SLC67A2: variants seen among roughly 807,000 people sequenced by gnomAD.
The protein encoded by SLC67A2 is solute carrier family 67 member A2.
chr2:102,730,252 G>A, the SLC67A2 span, among the ~76,000 whole-genome samples: 1 of 152,050 alleles, frequency 6.6e-6, no homozygotes, highest in Non-Finnish European at 1.5e-5. Flanking sequence ...TCCTTCCTAT[G>A]TTGCCCAGGC....
At chr2:102,718,917 G>A in the SLC67A2 span, 1 of 1,614,220 alleles carries the variant, frequency 6.2e-7, no homozygotes, top group Non-Finnish European at 8.5e-7. Context: ...CGCTCCTCCA[G>A]GGCCAGGACA....
the SLC67A2 span, among the ~76,000 whole-genome samples, chr2:102,724,292 A>C: frequency 6.6e-6 from 1 of 152,108 alleles, no homozygotes; most frequent in Non-Finnish European, 1.5e-5. Context: ...TAACTCATTG[A>C]GCCAATATTT....
the SLC67A2 span, chr2:102,723,735 G>A: frequency 4.3e-6 from 7 of 1,613,996 alleles, no homozygotes; most frequent in Non-Finnish European, 5.1e-6. Context: ...GCAGATGAAG[G>A]CTGTGAGATA....
At chr2:102,724,536 T>TA in the SLC67A2 span, among the ~76,000 whole-genome samples, 1 of 152,230 alleles carries the variant, frequency 6.6e-6, no homozygotes, top group Non-Finnish European at 1.5e-5. Context: ...ATACTCCTCA[T>TA]ATCTCTGCAG....
the SLC67A2 span, among the ~76,000 whole-genome samples, chr2:102,727,859 T>C: frequency 6.6e-6 from 1 of 152,246 alleles, no homozygotes; most frequent in Admixed American, 6.5e-5. Flanking sequence ...TCTACAGATT[T>C]GTTAAGCAGC....
At chr2:102,724,028 C>T in the SLC67A2 span, 15 of 821,070 alleles carry the variant, frequency 1.8e-5, no homozygotes, top group African/African-American at 2.2e-4. Flanking sequence ...CTTTGGAAGG[C>T]AGCTATGCTC....
the SLC67A2 span, chr2:102,718,614 G>A: frequency 6.2e-7 from 1 of 1,613,700 alleles, no homozygotes; most frequent in East Asian, 2.2e-5. Flanking sequence ...ACGCCAATAA[G>A]GGTGCCGCTG....
the SLC67A2 span, among the ~76,000 whole-genome samples, chr2:102,721,077 T>C: frequency 5.9e-5 from 9 of 152,224 alleles, no homozygotes; most frequent in South Asian, 1.4e-3. Context: ...GAAGCCATTG[T>C]AGTTGGGAAC....
chr2:102,718,118 C>G, the SLC67A2 span: 6 of 310,904 alleles, frequency 1.9e-5, no homozygotes, highest in Non-Finnish European at 3.6e-5. Context: ...AGTTTGTTTA[C>G]CCTTGAAAAT....
the SLC67A2 span, among the ~76,000 whole-genome samples, chr2:102,728,302 G>C: frequency 6.6e-6 from 1 of 152,136 alleles, no homozygotes; most frequent in African/African-American, 2.4e-5. Flanking sequence ...GGAGGTGACT[G>C]AGGCTGGTTC....
the SLC67A2 span, chr2:102,726,939 G>C: frequency 6.2e-7 from 1 of 1,613,536 alleles, no homozygotes. Context: ...ATGCCAGCAA[G>C]GAAGACCGTC....
chr2:102,716,153 C>G, the SLC67A2 span: 1 of 152,176 alleles, frequency 6.6e-6, no homozygotes, highest in East Asian at 1.9e-4. Context: ...ACAAACATGT[C>G]TCTCTACTCT....
the SLC67A2 span, among the ~76,000 whole-genome samples, chr2:102,720,095 G>A: frequency 6.6e-6 from 1 of 152,144 alleles, no homozygotes; most frequent in African/African-American, 2.4e-5. Flanking sequence ...GCCATTCTAG[G>A]ACATCCCTCC....
At chr2:102,730,255 G>A in the SLC67A2 span, among the ~76,000 whole-genome samples, 109 of 152,100 alleles carry the variant, frequency 7.2e-4, 1 homozygote, top group East Asian at 4.6e-3. Context: ...TTCCTATGTT[G>A]CCCAGGCTAG....
chr2:102,733,395 C>G, the SLC67A2 span, among the ~76,000 whole-genome samples: 1 of 152,152 alleles, frequency 6.6e-6, no homozygotes, highest in Admixed American at 6.5e-5. Flanking sequence ...TTTGTTCCCC[C>G]TTCCCTGTCC....
chr2:102,719,319 A>C, the SLC67A2 span: 1 of 1,034,290 alleles, frequency 9.7e-7, no homozygotes, highest in Non-Finnish European at 1.4e-6. Context: ...ATATTTTGGT[A>C]CTAAATTTAC....
chr2:102,722,616 T>C, the SLC67A2 span, among the ~76,000 whole-genome samples: 2 of 152,200 alleles, frequency 1.3e-5, no homozygotes, highest in South Asian at 2.1e-4. Context: ...AAAAATCAAC[T>C]TAAATAGATT....
At chr2:102,719,401 G>C in the SLC67A2 span, among the ~76,000 whole-genome samples, 2 of 152,012 alleles carry the variant, frequency 1.3e-5, no homozygotes, top group African/African-American at 2.4e-5. Flanking sequence ...TCTGGCAAAA[G>C]ACTCTTTGCC....
the SLC67A2 span, among the ~76,000 whole-genome samples, chr2:102,735,278 C>T: frequency 7.9e-5 from 12 of 152,302 alleles, no homozygotes; most frequent in South Asian, 2.5e-3. Flanking sequence ...TAAAAAGCCG[C>T]CCTCCCTGAA....
Sources: gnomAD v4.1 joint callset for allele counts (sites outside exome capture counted in the v4.1 genomes callset) on GRCh38, gnomAD v4.1.1 for gene constraint, MANE v1.5 for transcripts, NCBI Gene and HGNC (gene_info 2026-07-23, HGNC 2026-07-21) for gene names.